The following STK32A variants were observed in gnomAD, a reference collection of about 807,000 sequenced individuals.
STK32A encodes the protein serine/threonine-protein kinase 32A.
STK32A carries 41 observed loss-of-function variants against 53.2 expected under a neutral mutation model. That is an observed-to-expected ratio of 0.77 (90% CI 0.60 to 1.00). The LOEUF (loss-of-function observed/expected upper bound fraction) is 1.00, where lower values mean the gene tolerates loss of function less well. Among genes scored for constraint, STK32A ranks in the 50% least tolerant of loss-of-function variants. STK32A has a pLI of 0.00. For synonymous variants in STK32A, 166 were observed against 162.8 expected, an observed-to-expected ratio of 1.02 and a Z score of -0.15; for missense variants, 458 against 485.8, an observed-to-expected ratio of 0.94 and a Z score of 0.54.
downstream of STK32A, among the ~76,000 whole-genome samples, chr5:147,390,478 C>A (rs1290247748): frequency 3.3e-3 from 362 of 110,110 alleles, no homozygotes; most frequent in Middle Eastern, 5.2e-3. Context: ...GGGGAAAGAC[C>A]AAAAAAAAAA....
At chr5:147,380,969 G>A (rs578014422) in intron 11 of STK32A, among the ~76,000 whole-genome samples, 7 of 152,052 alleles carry the variant, frequency 4.6e-5, no homozygotes, top group Admixed American at 6.5e-5. Flanking sequence ...CTTGGCTTTC[G>A]TGATTGTCCG....
chr5:147,387,890 A>G (rs1757714802), downstream of STK32A: 1 of 152,038 alleles, frequency 6.6e-6, no homozygotes, highest in Non-Finnish European at 1.5e-5. Context: ...GTGTGTGTGT[A>G]TGTGTGTGTG....
chr5:147,307,358 C>A (rs547176865), intron 4 of STK32A, among the ~76,000 whole-genome samples: 102 of 152,140 alleles, frequency 6.7e-4, no homozygotes, highest in African/African-American at 2.4e-3. Flanking sequence ...CAGTGACTCA[C>A]GCTTGTAATC....
At chr5:147,349,126 C>T (rs1231015919) in intron 6 of STK32A, among the ~76,000 whole-genome samples, 3 of 152,182 alleles carry the variant, frequency 2.0e-5, no homozygotes, top group Non-Finnish European at 2.9e-5. Flanking sequence ...AGACAACCTA[C>T]GCTATGATAA....
At chr5:147,369,538 G>A (rs77168067) in intron 8 of STK32A, among the ~76,000 whole-genome samples, 3,065 of 152,242 alleles carry the variant, frequency 0.02, 114 homozygotes, top group African/African-American at 0.069. Context: ...TCATTTTACA[G>A]ATGAAGTAAC....
intron 2 of STK32A, among the ~76,000 whole-genome samples, chr5:147,253,829 A>C (rs1754105816): frequency 6.6e-6 from 1 of 152,188 alleles, no homozygotes; most frequent in Non-Finnish European, 1.5e-5. Context: ...TGGAGGAGGG[A>C]GTGCTTAGAA....
chr5:147,319,078 T>C (rs1442779374), intron 4 of STK32A, among the ~76,000 whole-genome samples: 1 of 152,122 alleles, frequency 6.6e-6, no homozygotes, highest in East Asian at 1.9e-4. Context: ...CATTAACCTT[T>C]GTTTTGCCTT....
Position 147,385,504 on chromosome 5 carries a change from G to C in STK32A, c.*1521G>C, listed in dbSNP as rs1757614274. On this transcript the variant is annotated 3_prime_UTR_variant, in exon 13 of 13. Coordinates refer to ENST00000397936, the MANE Select transcript of STK32A (RefSeq NM_001112724.2). ...AGACAGGCAAGTTCATGGAGACTAA[G>C]GGAACAGTGGTATCATGTCTCCCTT... 1.3e-5 allele frequency: 2 copies of C among 152,276 alleles called. No individual in the cohort carries two copies. Among genetic ancestry groups the C allele is most frequent in the East Asian group, 1.9e-4 (1 of 5,172 alleles). The allele number at this position is 152,276 out of a possible 1,614,324, so 9.4% of individuals were successfully genotyped here. A position where few individuals can be genotyped will look rare whatever the true frequency, so the allele number is the denominator to read the frequency against.
At chr5:147,297,109 C>T (rs1280350449) in intron 4 of STK32A, among the ~76,000 whole-genome samples, 1 of 152,174 alleles carries the variant, frequency 6.6e-6, no homozygotes, top group African/African-American at 2.4e-5. Flanking sequence ...TATGTCTAAA[C>T]CAAGGATCAA....
intron 5 of STK32A, chr5:147,342,737 T>C: frequency 2.3e-6 from 1 of 440,356 alleles, no homozygotes; most frequent in East Asian, 3.6e-5. Flanking sequence ...GTTTAGAGTC[T>C]GAGTTTTTGA....
chr5:147,346,453 TCTTA>T (rs1266976194), intron 6 of STK32A, among the ~76,000 whole-genome samples: 7 of 152,228 alleles, frequency 4.6e-5, no homozygotes, highest in African/African-American at 1.7e-4. Flanking sequence ...AAACTTTTAT[TCTTA>T]CTGACTCATA....
intron 4 of STK32A, among the ~76,000 whole-genome samples, chr5:147,309,171 T>C (rs948631549): frequency 6.6e-6 from 1 of 152,022 alleles, no homozygotes. Flanking sequence ...TGAGCTGACC[T>C]TAGGTGGAAG....
intron 3 of STK32A, 61 bp from the exon 4 acceptor site, chr5:147,279,186 C>G: frequency 6.7e-7 from 1 of 1,503,712 alleles, no homozygotes; most frequent in East Asian, 2.3e-5. Flanking sequence ...CTTGTTCTGT[C>G]TCTCATCACC....
intron 2 of STK32A, among the ~76,000 whole-genome samples, chr5:147,243,747 A>C (rs1034700312): frequency 2.5e-4 from 38 of 151,362 alleles, no homozygotes; most frequent in Non-Finnish European, 5.2e-4. Flanking sequence ...CCAAAAAAAA[A>C]CGGCTTGCTT....
intron 4 of STK32A, among the ~76,000 whole-genome samples, chr5:147,321,407 T>C (rs1470158260): frequency 6.6e-6 from 1 of 152,218 alleles, no homozygotes; most frequent in Admixed American, 6.5e-5. Flanking sequence ...ATTAAAAATC[T>C]GAGATGGAGG....
intron 5 of STK32A, among the ~76,000 whole-genome samples, chr5:147,326,333 T>C (rs999664636): frequency 4.0e-4 from 61 of 152,200 alleles, no homozygotes; most frequent in Non-Finnish European, 8.4e-4. Context: ...CTCCTCACCA[T>C]GGTAAAGGTA....
chr5:147,378,204 G>A (rs1013858474), intron 11 of STK32A, among the ~76,000 whole-genome samples: 5 of 152,196 alleles, frequency 3.3e-5, no homozygotes, highest in East Asian at 1.9e-4. Context: ...AGTGCTGTGG[G>A]AATTGCTCAC....
chr5:147,375,060 T>C (rs1581152799), intron 10 of STK32A, 30 bp from the exon 11 acceptor site: 1 of 1,578,104 alleles, frequency 6.3e-7, no homozygotes, highest in Non-Finnish European at 8.6e-7. Flanking sequence ...TACAGTAATC[T>C]GAGGATTGAG....
At chr5:147,380,968 C>T (rs529852785) in intron 11 of STK32A, among the ~76,000 whole-genome samples, 1 of 152,142 alleles carries the variant, frequency 6.6e-6, no homozygotes, top group Non-Finnish European at 1.5e-5. Flanking sequence ...TCTTGGCTTT[C>T]GTGATTGTCC....
Sources: allele counts gnomAD v4.1 joint callset (sites outside exome capture counted in the v4.1 genomes callset), GRCh38; gene constraint gnomAD v4.1.1; transcripts MANE v1.5; gene names NCBI Gene and HGNC (gene_info 2026-07-23, HGNC 2026-07-21).